CTNNA2: variants seen among roughly 807,000 people sequenced by gnomAD.
CTNNA2 encodes the protein catenin alpha-2.
Under a neutral mutation model 101.0 loss-of-function variants are expected in CTNNA2, and 42 were observed. The ratio of observed to expected loss-of-function variants is 0.42; its 90% CI spans 0.32 to 0.54. The LOEUF is 0.54. Ranked by LOEUF, CTNNA2 falls within the 20% of genes least tolerant of loss-of-function variation. The pLI is 0.14. For synonymous variants in CTNNA2, 450 were observed against 456.4 expected (o/e 0.99, Z 0.18); for missense variants, 871 against 1,223.1 (o/e 0.71, Z 4.29).
At chr2:79,866,721 A>G (rs1682130451) in intron 4 of CTNNA2, 2 of 152,208 alleles carry the variant, frequency 1.3e-5, no homozygotes, top group South Asian at 4.1e-4. Context: ...TCCCCCATGC[A>G]GCAAGTTGGT....
At chr2:80,574,096 C>T (rs1219863015) in intron 12 of CTNNA2, 67 bp from the exon 13 acceptor site, 10 of 1,532,558 alleles carry the variant, frequency 6.5e-6, no homozygotes, top group Admixed American at 1.8e-5. Flanking sequence ...CCACTTCGCC[C>T]AAGAGCTGGA....
At chr2:80,640,233 T>A (rs996510867) in intron 18 of CTNNA2, among the ~76,000 whole-genome samples, 4 of 152,138 alleles carry the variant, frequency 2.6e-5, no homozygotes, top group South Asian at 4.1e-4. Flanking sequence ...CAGAATCAAG[T>A]TTTTTTGGAC....
intron 5 of CTNNA2, among the ~76,000 whole-genome samples, chr2:79,871,278 G>T (rs1000278894): frequency 1.3e-5 from 2 of 152,220 alleles, no homozygotes; most frequent in African/African-American, 4.8e-5. Context: ...AGTCCTCAGT[G>T]AGACAGGCAC....
intron 12 of CTNNA2, among the ~76,000 whole-genome samples, chr2:80,560,647 C>A (rs1400081265): frequency 6.6e-6 from 1 of 152,164 alleles, no homozygotes; most frequent in Non-Finnish European, 1.5e-5. Context: ...ATGCTGCTCC[C>A]TCTGTCCTCC....
intron 3 of CTNNA2, among the ~76,000 whole-genome samples, chr2:79,334,696 C>T (rs910947901): frequency 3.3e-5 from 5 of 151,928 alleles, no homozygotes; most frequent in African/African-American, 4.8e-5. Flanking sequence ...ATAGAGAGGG[C>T]GATTCTTTGA....
intron 18 of CTNNA2, among the ~76,000 whole-genome samples, chr2:80,645,298 C>A (rs186534419): frequency 3.9e-4 from 60 of 152,242 alleles, no homozygotes; most frequent in African/African-American, 1.4e-3. Flanking sequence ...CTTATCTGTT[C>A]CTGATTGTTC....
intron 11 of CTNNA2, among the ~76,000 whole-genome samples, chr2:80,551,354 C>T (rs1339270017): frequency 1.3e-5 from 2 of 152,178 alleles, no homozygotes; most frequent in Non-Finnish European, 2.9e-5. Context: ...ACCTAAAAAT[C>T]AACTGTATTA....
At chr2:80,085,244 G>C (rs1208350957) in intron 7 of CTNNA2, among the ~76,000 whole-genome samples, 1 of 152,038 alleles carries the variant, frequency 6.6e-6, no homozygotes, top group African/African-American at 2.4e-5. Flanking sequence ...GTAGTCTTAT[G>C]TCCTCAACTC....
chr2:79,798,665 G>T (rs1675913423), intron 3 of CTNNA2, among the ~76,000 whole-genome samples: 1 of 148,954 alleles, frequency 6.7e-6, no homozygotes, highest in East Asian at 2.0e-4. Context: ...GGCCTTCGAA[G>T]ATGACTCAAA....
intron 4 of CTNNA2, among the ~76,000 whole-genome samples, chr2:79,500,017 T>G (rs1196084159): frequency 6.6e-6 from 1 of 152,216 alleles, no homozygotes; most frequent in Non-Finnish European, 1.5e-5. Context: ...TTCAGCTGAT[T>G]GGATGAGGAC....
chr2:80,236,687 C>T (rs1709568365), intron 7 of CTNNA2, among the ~76,000 whole-genome samples: 1 of 152,174 alleles, frequency 6.6e-6, no homozygotes, highest in South Asian at 2.1e-4. Context: ...TGTCTGTTTG[C>T]ACAAGTGAAC....
intron 7 of CTNNA2, chr2:80,304,260 G>C (rs1226233849): frequency 6.4e-6 from 1 of 155,080 alleles, no homozygotes; most frequent in Non-Finnish European, 1.4e-5. Context: ...GCCCCGGTCC[G>C]CGGCCGGCGG....
At chr2:79,201,543 A>G (rs1289454811) in intron 2 of CTNNA2, among the ~76,000 whole-genome samples, 1 of 152,180 alleles carries the variant, frequency 6.6e-6, no homozygotes, top group Non-Finnish European at 1.5e-5. Context: ...GTTGGAAGGA[A>G]GTAAAGCTTC....
At chr2:79,380,585 C>A (rs769005905) in intron 4 of CTNNA2, among the ~76,000 whole-genome samples, 8 of 152,104 alleles carry the variant, frequency 5.3e-5, no homozygotes, top group African/African-American at 1.2e-4. Context: ...ACCCTTCCAT[C>A]GGAGATTTTA....
At chr2:79,873,992 A>G in intron 5 of CTNNA2, 84 bp from the exon 6 acceptor site, 1 of 1,545,162 alleles carries the variant, frequency 6.5e-7, no homozygotes, top group African/African-American at 1.4e-5. Context: ...GTGTGTTACT[A>G]AGAGTCTGTG....
chr2:80,523,176 A>G (rs1689721572), intron 9 of CTNNA2, among the ~76,000 whole-genome samples: 1 of 152,162 alleles, frequency 6.6e-6, no homozygotes, highest in Non-Finnish European at 1.5e-5. Flanking sequence ...CATTTATTTA[A>G]TGAAAAAAAC....
chr2:80,303,388 G>C lies in CTNNA2; in HGVS notation c.1057-89823G>C. 6.2e-7 allele frequency: 1 copy of C among 1,614,218 alleles called. No individual in the cohort carries two copies. Among genetic ancestry groups the C allele is most frequent in the Non-Finnish European group, 8.5e-7 (1 of 1,180,048 alleles). ...CGAGCGCCTGCAGCTTGTTGTACGAGAGGTCCACGCTGCGCAGGTTGGGCA... is the reference window on the plus strand; with the variant it reads ...CGAGCGCCTGCAGCTTGTTGTACGACAGGTCCACGCTGCGCAGGTTGGGCA... On this transcript the variant is annotated intron_variant, in intron 7 of 18. Coordinates refer to ENST00000402739, the MANE Select transcript of CTNNA2 (RefSeq NM_001282597.3). This position sits in a 1 kb window ranked among gnomAD's most constrained non-coding sequence, Gnocchi z 7.7.
intron 18 of CTNNA2, among the ~76,000 whole-genome samples, chr2:80,641,032 A>T (rs1405563866): frequency 6.6e-6 from 1 of 152,206 alleles, no homozygotes; most frequent in Non-Finnish European, 1.5e-5. Flanking sequence ...AAAAGGCTAA[A>T]GTGGACTTTA....
chr2:79,877,863 A>G (rs1683143047), intron 6 of CTNNA2, among the ~76,000 whole-genome samples: 1 of 152,214 alleles, frequency 6.6e-6, no homozygotes, highest in African/African-American at 2.4e-5. Context: ...TTTTACTTTA[A>G]GTTCCAGGAT....
Sources: allele counts gnomAD v4.1 joint callset (sites outside exome capture counted in the v4.1 genomes callset), GRCh38; gene constraint gnomAD v4.1.1; non-coding constraint Gnocchi (gnomAD v3.1); transcripts MANE v1.5; gene names NCBI Gene and HGNC (gene_info 2026-07-23, HGNC 2026-07-21).